VAPB: variants seen among roughly 807,000 people sequenced by gnomAD.
VAPB encodes the protein vesicle-associated membrane protein-associated protein B/C.
VAPB carries 7 observed loss-of-function variants against 25.6 expected under a neutral mutation model. The observed-to-expected ratio is 0.27, with a 90% CI of 0.16 to 0.51. The LOEUF (loss-of-function observed/expected upper bound fraction) is 0.51. Ranked by LOEUF, VAPB falls within the 20% of genes least tolerant of loss-of-function variation. VAPB has a pLI of 0.97. For synonymous variants in VAPB, 112 were observed against 109.2 expected (o/e 1.03, Z -0.16); for missense variants, 266 against 301.3 (o/e 0.88, Z 0.87).
Position 58,418,229 on chromosome 20 carries a change from T to C in VAPB, c.77T>C (p.Val26Ala), listed in dbSNP as rs1306018183. Residue 26 changes from valine to alanine, a missense_variant, in exon 2 of 6, where the codon GTC (valine) becomes GCC (alanine). This residue lies in a region of VAPB where 98 missense variants were observed against 147.1 expected (regional missense o/e 0.67). Coordinates refer to ENST00000475243, the MANE Select transcript of VAPB (RefSeq NM_004738.5). ...LKFRGPFTDV[V>A]TTNLKLGNPT... ...TCTACAGGTCCCTTCACCGATGTTGTCACCACCAACCTAAAGCTTGGCAAC... is the reference window on the plus strand; with the variant it reads ...TCTACAGGTCCCTTCACCGATGTTGCCACCACCAACCTAAAGCTTGGCAAC... 1.9e-6 allele frequency: 3 copies of C among 1,614,076 alleles called. No individual in the cohort carries two copies. In the African/African-American group the frequency reaches 4.0e-5, roughly 22 times the overall value.
intron 1 of VAPB, among the ~76,000 whole-genome samples, chr20:58,415,096 C>G (rs1057324373): frequency 1.5e-5 from 2 of 134,490 alleles, no homozygotes; most frequent in Admixed American, 1.4e-4. Flanking sequence ...AGCCTGCAAT[C>G]GCAGGCACTC....
chr20:58,445,960 G>A lies in VAPB; in HGVS notation c.*1725G>A, dbSNP rs968003456. The A allele has an allele frequency of 1.8e-5, 8 of 454,058 alleles. No individual in the cohort carries two copies. Among genetic ancestry groups the A allele is most frequent in the South Asian group, 6.2e-5 (4 of 64,482 alleles). The allele number at this position is 454,058 out of a possible 1,614,324, so 28.1% of individuals were successfully genotyped here. ...AAGGCAGTCCTTAGAAGTCACATAC[G>A]TTGAGCCACGTTGCTCCTAAGCCTG... On this transcript the variant is annotated 3_prime_UTR_variant, in exon 6 of 6. Coordinates refer to ENST00000475243, the MANE Select transcript of VAPB (RefSeq NM_004738.5).
chr20:58,401,989 A>G (rs1330242108), intron 1 of VAPB, among the ~76,000 whole-genome samples: 1 of 152,098 alleles, frequency 6.6e-6, no homozygotes, highest in Non-Finnish European at 1.5e-5. Flanking sequence ...CCGCAACTGT[A>G]ATAGCCTCTT....
chr20:58,395,649 C>A (rs574048561), intron 1 of VAPB, among the ~76,000 whole-genome samples: 4 of 152,204 alleles, frequency 2.6e-5, no homozygotes, highest in African/African-American at 9.6e-5. Flanking sequence ...TATTTTGCAC[C>A]GAGGATTGTG....
At position 58,448,855 on chromosome 20, in the gene VAPB, G is replaced by A. The variant is rs958214949; in HGVS notation, c.*4620G>A. ...ATGCTCCTGGAGAATGACTTTGGGG[G>A]CTTTAGAAAGAATATTGCCAGTCCG... On this transcript the variant is annotated 3_prime_UTR_variant, in exon 6 of 6. Transcript: ENST00000475243. 2.6e-5 allele frequency: 12 copies of A among 453,964 alleles called. No homozygotes were observed. The highest frequency in any genetic ancestry group is 2.2e-4 in the African/African-American group (11 of 49,988). 28.1% of individuals were successfully genotyped at this position (453,964 alleles called of 1,614,324 possible). A position where few individuals can be genotyped will look rare whatever the true frequency, so the allele number is the denominator to read the frequency against.
rs770413293 is a variant in VAPB at position 58,389,387 on chromosome 20, G to T, written c.-73G>T. On this transcript the variant is annotated 5_prime_UTR_variant, in exon 1 of 6. Transcript: ENST00000475243. ...CCTTTTTGTAAAACTTAAAGCGGGC[G>T]CAGCATTAACGCTTCCCGCCCCGGT... 6.6e-7 allele frequency: 1 copy of T among 1,508,524 alleles called. No homozygotes were observed. The highest frequency in any genetic ancestry group is 9.0e-7 in the Non-Finnish European group (1 of 1,114,040). The allele number at this position is 1,508,524 out of a possible 1,614,324, so 93.4% of individuals were successfully genotyped here.
At chr20:58,422,811 C>G (rs1269961431) in intron 2 of VAPB, among the ~76,000 whole-genome samples, 1 of 152,132 alleles carries the variant, frequency 6.6e-6, no homozygotes, top group Non-Finnish European at 1.5e-5. Context: ...AAGCATGCGT[C>G]CATTTGCAGT....
chr20:58,404,540 T>C (rs895512686), intron 1 of VAPB, among the ~76,000 whole-genome samples: 2 of 152,238 alleles, frequency 1.3e-5, no homozygotes, highest in Non-Finnish European at 2.9e-5. Context: ...AGAGGTAGTA[T>C]ACTGCCCAGG....
intron 1 of VAPB, among the ~76,000 whole-genome samples, chr20:58,404,388 C>G (rs545548985): frequency 6.6e-6 from 1 of 152,330 alleles, no homozygotes; most frequent in South Asian, 2.1e-4. Flanking sequence ...CACCCAAGTT[C>G]CCTACAGCTC....
chr20:58,398,310 G>A lies in VAPB; in HGVS notation c.58+8793G>A, dbSNP rs11086643. ...TGAAAAATCGCAAGTCAAACCAATC[G>A]GGGATTGTCTGTACATAAGAGATGA... On this transcript the variant is annotated intron_variant, in intron 1 of 5. Coordinates refer to ENST00000475243, the MANE Select transcript of VAPB (RefSeq NM_004738.5). 4.1e-3 allele frequency among the ~76,000 whole-genome samples: 629 copies of A among 152,256 alleles called. 14 individuals are homozygous for A. The East Asian group carries it at 0.082, about 20-fold the overall frequency.
At chr20:58,394,511 G>C (rs930463200) in intron 1 of VAPB, among the ~76,000 whole-genome samples, 14 of 152,232 alleles carry the variant, frequency 9.2e-5, no homozygotes, top group Admixed American at 9.2e-4. Context: ...AAGATTCTTC[G>C]TGGTAGTGGT....
In VAPB at chr20:58,389,271, C is replaced by T. The variant is rs886056807; in HGVS notation, c.-189C>T. On this transcript the variant is annotated 5_prime_UTR_variant, in exon 1 of 6. Transcript: ENST00000475243. ...CGGGCACCGCGGCCTCGCCCTCGCC[C>T]TCCGCCCCTGCGCCTGCACCGCGTA... is the stretch of plus-strand genomic sequence containing the variant. 3.4e-5 allele frequency: 24 copies of T among 696,282 alleles called. No homozygotes were observed. The highest frequency in any genetic ancestry group is 1.0e-4 in the Admixed American group (5 of 48,028). The allele number at this position is 696,282 out of a possible 1,614,324, so 43.1% of individuals were successfully genotyped here. A position where few individuals can be genotyped will look rare whatever the true frequency, so the allele number is the denominator to read the frequency against.
chr20:58,439,898 A>G (rs1201758527), intron 4 of VAPB: 1 of 152,266 alleles, frequency 6.6e-6, no homozygotes, highest in African/African-American at 2.4e-5. Context: ...CTGTGAAAGC[A>G]TGCAGCATGT....
chr20:58,438,699 T>C (rs1247966188), intron 3 of VAPB, among the ~76,000 whole-genome samples: 1 of 152,218 alleles, frequency 6.6e-6, no homozygotes, highest in Non-Finnish European at 1.5e-5. Flanking sequence ...TGGGGAGCAT[T>C]GGTTGACTTT....
chr20:58,441,988 G>A (rs1989171944), intron 5 of VAPB, among the ~76,000 whole-genome samples: 2 of 152,146 alleles, frequency 1.3e-5, no homozygotes, highest in Non-Finnish European at 2.9e-5. Flanking sequence ...GGCAATGGAA[G>A]GTTGTATTGT....
intron 2 of VAPB, among the ~76,000 whole-genome samples, chr20:58,423,446 A>AAAAAAAAAAAAAAAAAAAAC (rs1568711839): frequency 6.9e-6 from 1 of 145,322 alleles, no homozygotes; most frequent in African/African-American, 2.6e-5. Context: ...AAAAAAAAAA[A>AAAAAAAAAAAAAAAAAAAAC]AAAGAAAAGA....
intron 1 of VAPB, among the ~76,000 whole-genome samples, chr20:58,410,786 C>T (rs1048086476): frequency 3.9e-5 from 6 of 152,186 alleles, no homozygotes; most frequent in African/African-American, 1.4e-4. Flanking sequence ...AGAGTAAAAT[C>T]ATACAGTATG....
chr20:58,408,639 A>G (rs971904284), intron 1 of VAPB, among the ~76,000 whole-genome samples: 1 of 150,876 alleles, frequency 6.6e-6, no homozygotes, highest in Non-Finnish European at 1.5e-5. Context: ...AAAAAAAAAC[A>G]CCATAGAATA....
intron 2 of VAPB, among the ~76,000 whole-genome samples, chr20:58,427,958 C>T (rs992901141): frequency 2.9e-5 from 4 of 139,130 alleles, no homozygotes; most frequent in South Asian, 4.7e-4. Flanking sequence ...ATGATGCAGG[C>T]GAAAGTGATC....
Sources: gnomAD v4.1 joint callset for allele counts (sites outside exome capture counted in the v4.1 genomes callset) on GRCh38, gnomAD v4.1.1 for gene constraint, gnomAD v4.1.1 regional missense constraint, MANE v1.5 for transcripts, NCBI Gene and HGNC (gene_info 2026-07-23, HGNC 2026-07-21) for gene names.